Variants in SFMBT2 observed in about 807,000 individuals in gnomAD.
The protein encoded by SFMBT2 is Scm like with four mbt domains 2, also known as scm-like with four MBT domains protein 2.
SFMBT2 carries 38 observed loss-of-function variants against 110.1 expected under a neutral mutation model. The ratio of observed to expected loss-of-function variants is 0.35; its 90% CI spans 0.27 to 0.45. The LOEUF (loss-of-function observed/expected upper bound fraction) is 0.45. Among genes scored for constraint, SFMBT2 ranks in the 20% least tolerant of loss-of-function variants. The pLI, the probability that SFMBT2 is intolerant of heterozygous loss-of-function variation, is 1.00. For synonymous variants in SFMBT2, 425 were observed against 425.4 expected, an observed-to-expected ratio of 1.00 and a Z score of 0.01; for missense variants, 1,011 against 1,094.9, an observed-to-expected ratio of 0.92 and a Z score of 1.08.
chr10:7,197,778 G>A, intron 14 of SFMBT2, 91 bp from the exon 15 acceptor site: 4 of 1,507,878 alleles, frequency 2.7e-6, no homozygotes, highest in Non-Finnish European at 3.6e-6. Context: ...CATGGTCAGG[G>A]AAAAGGACCA....
At chr10:7,296,075 A>C (rs1842401084) in intron 4 of SFMBT2, among the ~76,000 whole-genome samples, 1 of 152,202 alleles carries the variant, frequency 6.6e-6, no homozygotes, top group Admixed American at 6.5e-5. Context: ...CTACAAGATA[A>C]ATAACCTCTA....
intron 3 of SFMBT2, among the ~76,000 whole-genome samples, chr10:7,369,258 T>A (rs1844998029): frequency 6.6e-6 from 1 of 152,230 alleles, no homozygotes; most frequent in Non-Finnish European, 1.5e-5. Context: ...TGCCCCGATT[T>A]ACTGATGAAA....
rs1042795601 is a variant in SFMBT2, at chr10:7,301,430, A to C, written c.437-15476T>G. Among the ~76,000 whole-genome samples the C allele has an allele frequency of 6.6e-6, 1 of 152,222 alleles. No homozygotes were observed. The highest frequency in any genetic ancestry group is 1.5e-5 in the Non-Finnish European group (1 of 68,026). On this transcript the variant is annotated intron_variant, in intron 4 of 20. Transcript: ENST00000397167. The surrounding 1 kb of genome is among the most constrained non-coding windows in gnomAD (Gnocchi z 4.2). The stretch of plus-strand genomic sequence containing the variant: ...AAAGCCCGAACTCATGAGACAGCGG[A>C]GGAAACCCGGGAGGGACTAGAACAA...
intron 4 of SFMBT2, among the ~76,000 whole-genome samples, chr10:7,307,388 A>G (rs973457589): frequency 6.6e-6 from 1 of 152,178 alleles, no homozygotes; most frequent in Admixed American, 6.5e-5. Context: ...GAGCCAAAAC[A>G]CTCTTCAAGA....
At chr10:7,394,503 G>A (rs12357424) in intron 1 of SFMBT2, among the ~76,000 whole-genome samples, 3,788 of 150,652 alleles carry the variant, frequency 0.025, 92 homozygotes, top group Non-Finnish European at 0.038. Flanking sequence ...CTGGTCACAT[G>A]ACCCCCACCC....
chr10:7,194,415 T>C (rs907939705), intron 15 of SFMBT2, among the ~76,000 whole-genome samples: 1 of 152,208 alleles, frequency 6.6e-6, no homozygotes, highest in Non-Finnish European at 1.5e-5. Context: ...CAGCCTGCAC[T>C]GAGCCTTGCC....
intron 4 of SFMBT2, among the ~76,000 whole-genome samples, chr10:7,337,355 G>C (rs1187935683): frequency 6.6e-6 from 1 of 152,186 alleles, no homozygotes. Context: ...GTTTGGATCT[G>C]TGTCCCCACC....
At chr10:7,253,743 T>C (rs943595136) in intron 7 of SFMBT2, among the ~76,000 whole-genome samples, 2 of 147,036 alleles carry the variant, frequency 1.4e-5, no homozygotes, top group Admixed American at 1.4e-4. Context: ...ATTTCAGAAA[T>C]AAATTTGGAA....
rs955916054 is a variant in SFMBT2 at position 7,342,627 on chromosome 10, G to A, written c.436+25022C>T. 2.0e-5 allele frequency among the ~76,000 whole-genome samples: 3 copies of A among 151,950 alleles called. No homozygotes were observed. In the East Asian group the frequency reaches 5.8e-4, roughly 29 times the overall value. ...GGTTTCACCATGGTCTCGATCTCCT[G>A]ACTTTGTGATCCGCCCGCCTCTGCC... On this transcript the variant is annotated intron_variant, in intron 4 of 20. Transcript: ENST00000397167.
At chr10:7,203,558 C>A (rs1839027188) in intron 12 of SFMBT2, 1 of 422,824 alleles carries the variant, frequency 2.4e-6, no homozygotes, top group Non-Finnish European at 3.2e-6. Context: ...CTTGCACCCT[C>A]CCAAATCCAT....
At chr10:7,168,121 TCCA>T (rs1837751170) in intron 20 of SFMBT2, among the ~76,000 whole-genome samples, 3 of 151,916 alleles carry the variant, frequency 2.0e-5, no homozygotes, top group African/African-American at 7.3e-5. Context: ...TCGGCAGTGT[TCCA>T]TTTCCTAGAA....
At position 7,158,882 on chromosome 10, in the gene SFMBT2, C is replaced by A. The variant is rs1367955453; in HGVS notation, c.*4888G>T. 1 of 152,080 alleles carries A rather than the reference C, an allele frequency of 6.6e-6. No individual in the cohort carries two copies. The highest frequency in any genetic ancestry group is 1.5e-5 in the Non-Finnish European group (1 of 68,004). 9.4% of individuals were successfully genotyped at this position (152,080 alleles called of 1,614,324 possible). On this transcript the variant is annotated 3_prime_UTR_variant, in exon 21 of 21. Transcript: ENST00000397167. ...ACAAGATAGGAATCCAATTTCAATA[C>A]AAACTATTCAAACTAGAATGCAAAA...
At chr10:7,366,431 C>CAA (rs890894030) in intron 4 of SFMBT2, among the ~76,000 whole-genome samples, 8 of 63,274 alleles carry the variant, frequency 1.3e-4, no homozygotes, top group Admixed American at 1.7e-4. Flanking sequence ...TATATCATAA[C>CAA]AAAAAAAAAA....
At chr10:7,244,101 T>A in intron 8 of SFMBT2, 1 of 706,348 alleles carries the variant, frequency 1.4e-6, no homozygotes, top group Non-Finnish European at 1.7e-6. Context: ...AGCACCAAAC[T>A]CTTTACACCA....
At chr10:7,222,824 C>T (rs1839787232) in intron 10 of SFMBT2, among the ~76,000 whole-genome samples, 2 of 152,062 alleles carry the variant, frequency 1.3e-5, no homozygotes, top group South Asian at 2.1e-4. Context: ...AATGCCCCAC[C>T]ATGCCCAGCT....
At chr10:7,227,386 C>T (rs1839926014) in intron 10 of SFMBT2, among the ~76,000 whole-genome samples, 1 of 152,212 alleles carries the variant, frequency 6.6e-6, no homozygotes, top group Non-Finnish European at 1.5e-5. Flanking sequence ...CAAGTCCAGG[C>T]AGGACCCACT....
At position 7,370,810 on chromosome 10, in the gene SFMBT2, AAG is replaced by A. The variant is rs1287822249; in HGVS notation, c.101-437_101-436del. On this transcript the variant is annotated intron_variant, in intron 2 of 20. Transcript: ENST00000397167. ...ACAGAGAACAGCACTAATTGTTATA[AAG>A]ATAAAGCACTGACTCTGGCATCATT... The A allele has an allele frequency of 5.1e-6, 5 of 981,212 alleles. No individual in the cohort carries two copies. In the African/African-American group the frequency reaches 8.7e-5, roughly 17 times the overall value. The allele number at this position is 981,212 out of a possible 1,614,324, so 60.8% of individuals were successfully genotyped here.
At chr10:7,185,416 G>T (rs929335057) in intron 16 of SFMBT2, among the ~76,000 whole-genome samples, 1 of 152,096 alleles carries the variant, frequency 6.6e-6, no homozygotes, top group Non-Finnish European at 1.5e-5. Flanking sequence ...TGTTACCTGC[G>T]ACAGTTCATA....
chr10:7,337,218 G>C (rs1173542903), intron 4 of SFMBT2, among the ~76,000 whole-genome samples: 1 of 152,170 alleles, frequency 6.6e-6, no homozygotes, highest in Non-Finnish European at 1.5e-5. Context: ...CTAAACGTAT[G>C]GATATCTGTT....
Sources: allele counts gnomAD v4.1 joint callset (sites outside exome capture counted in the v4.1 genomes callset), GRCh38; gene constraint gnomAD v4.1.1; non-coding constraint Gnocchi (gnomAD v3.1); transcripts MANE v1.5; gene names NCBI Gene and HGNC (gene_info 2026-07-23, HGNC 2026-07-21).